The following SHANK2 variants were observed in gnomAD, a reference collection of about 807,000 sequenced individuals.
SHANK2 encodes the protein SH3 and multiple ankyrin repeat domains protein 2.
Under a neutral mutation model 133.7 loss-of-function variants are expected in SHANK2, and 43 were observed. The ratio of observed to expected loss-of-function variants is 0.32; its 90% CI spans 0.25 to 0.41. The LOEUF is 0.41. SHANK2 is among the 10% of genes least tolerant of loss of function. SHANK2 has a pLI of 1.00. For synonymous variants in SHANK2, 1,017 were observed against 952.8 expected (o/e 1.07, Z -1.24); for missense variants, 1,994 against 2,235.8 (o/e 0.89, Z 2.18).
rs1363626039 is a variant in SHANK2, at chr11:70,823,992, G to C, written c.1175-3310C>G. 5.4e-5 allele frequency among the ~76,000 whole-genome samples: 8 copies of C among 149,136 alleles called. No individual in the cohort carries two copies. In the Admixed American group the frequency reaches 5.4e-4, roughly 10 times the overall value. ...AGCTCCCAAGGACAGAGGTGGTGCT[G>C]GCAGCGCTCACAAGGGACACATGTG... On this transcript the variant is annotated intron_variant, in intron 11 of 25. Transcript: ENST00000601538.
intron 17 of SHANK2, among the ~76,000 whole-genome samples, chr11:70,548,457 C>A (rs1161368983): frequency 1.3e-5 from 2 of 152,206 alleles, no homozygotes; most frequent in African/African-American, 4.8e-5. Context: ...GCCCGTCTCC[C>A]GCTGGGCTCC....
At chr11:70,842,909 C>G (rs1410553939) in intron 11 of SHANK2, among the ~76,000 whole-genome samples, 2 of 152,212 alleles carry the variant, frequency 1.3e-5, no homozygotes, top group Non-Finnish European at 2.9e-5. Flanking sequence ...TTCCACTCCA[C>G]AGGCTCAGGG....
intron 1 of SHANK2, among the ~76,000 whole-genome samples, chr11:71,237,432 G>A (rs1954838375): frequency 6.6e-6 from 1 of 152,174 alleles, no homozygotes; most frequent in Admixed American, 6.6e-5. Context: ...ACGCAAGCAC[G>A]ACATATTTAC....
At chr11:70,709,037 C>T (rs142672388) in intron 14 of SHANK2, among the ~76,000 whole-genome samples, 160 of 152,218 alleles carry the variant, frequency 1.1e-3, no homozygotes, top group Non-Finnish European at 1.9e-3. Flanking sequence ...ATGGCAAAAC[C>T]CCATCTCTAC....
At chr11:71,074,315 T>C (rs959499636) in intron 9 of SHANK2, among the ~76,000 whole-genome samples, 1 of 152,136 alleles carries the variant, frequency 6.6e-6, no homozygotes, top group Non-Finnish European at 1.5e-5. Context: ...AGACTCTTAA[T>C]GATGGTTTTG....
At chr11:71,149,830 GGGAGGGAAGGAGAAA>G (rs1555107518) in intron 2 of SHANK2, among the ~76,000 whole-genome samples, 1 of 130,826 alleles carries the variant, frequency 7.6e-6, no homozygotes, top group African/African-American at 3.0e-5. Context: ...GAGGAAAGAA[GGGAGGGAAGGAGAAA>G]GGAGGGAGGG....
intron 17 of SHANK2, among the ~76,000 whole-genome samples, chr11:70,610,459 G>A (rs1288635990): frequency 6.6e-6 from 1 of 152,128 alleles, no homozygotes; most frequent in Non-Finnish European, 1.5e-5. Flanking sequence ...CACATGACAC[G>A]CCTGTGCCCC....
rs536903105 is a variant in SHANK2 at position 70,529,552 on chromosome 11, C to T, written c.2062-26621G>A. On this transcript the variant is annotated intron_variant, in intron 17 of 25. Coordinates refer to ENST00000601538, the MANE Select transcript of SHANK2 (RefSeq NM_012309.5). Reference sequence around the variant, plus strand: ...AGGGATTCCAAGATCTATACACCTTCGCATTGTGGTAAAATACACGTGGCC... The same window carrying T: ...AGGGATTCCAAGATCTATACACCTTTGCATTGTGGTAAAATACACGTGGCC... Among the ~76,000 whole-genome samples the T allele has an allele frequency of 4.6e-5, 7 of 152,352 alleles. No homozygotes were observed. In the East Asian group the frequency reaches 9.6e-4, roughly 21 times the overall value.
rs1005377897 is a variant in SHANK2, at chr11:71,084,411, C to T, written c.912+8011G>A. Among the ~76,000 whole-genome samples, 3 of 152,156 alleles carry T rather than the reference C, an allele frequency of 2.0e-5. 1 individual carries two copies. The highest frequency in any genetic ancestry group is 6.3e-3 in the Middle Eastern group (2 of 316). On this transcript the variant is annotated intron_variant, in intron 8 of 25. Coordinates refer to ENST00000601538, the MANE Select transcript of SHANK2 (RefSeq NM_012309.5). ...AAATGTGTCCTTAGGCCATGTGCAC[C>T]TGGCCTGAGACAATGATGGGAAAGC...
At chr11:70,562,685 G>A (rs184916794) in intron 17 of SHANK2, among the ~76,000 whole-genome samples, 44 of 152,228 alleles carry the variant, frequency 2.9e-4, no homozygotes, top group African/African-American at 1.1e-3. Context: ...CCTTGGAGGT[G>A]AGCATTTATT....
At chr11:70,501,814 G>C in intron 20 of SHANK2, 109 bp downstream of exon 20, 2 of 1,148,932 alleles carry the variant, frequency 1.7e-6, no homozygotes, top group South Asian at 2.7e-5. Flanking sequence ...TCTGAGCCAC[G>C]TGGGGAGCAG....
intron 11 of SHANK2, among the ~76,000 whole-genome samples, chr11:70,872,848 T>C (rs1183470988): frequency 1.3e-5 from 2 of 152,082 alleles, no homozygotes; most frequent in African/African-American, 4.8e-5. Flanking sequence ...CAGTGGAACA[T>C]GGCATTGATT....
At chr11:70,934,138 G>A (rs1950538783) in intron 10 of SHANK2, among the ~76,000 whole-genome samples, 1 of 151,536 alleles carries the variant, frequency 6.6e-6, no homozygotes, top group Admixed American at 6.6e-5. Flanking sequence ...AGGCAGAGGC[G>A]GGAGGATCAC....
intron 17 of SHANK2, among the ~76,000 whole-genome samples, chr11:70,540,667 A>T (rs182330785): frequency 7.2e-5 from 11 of 152,218 alleles, no homozygotes; most frequent in African/African-American, 2.6e-4. Flanking sequence ...TCCATATAAC[A>T]TAAAACTTCC....
chr11:70,908,993 C>T (rs782226137), intron 10 of SHANK2, among the ~76,000 whole-genome samples: 6 of 152,102 alleles, frequency 3.9e-5, no homozygotes, highest in African/African-American at 1.2e-4. Context: ...CTGTGAAATA[C>T]GTATGGCAGT....
intron 15 of SHANK2, among the ~76,000 whole-genome samples, chr11:70,670,689 T>G (rs1460448146): frequency 6.6e-6 from 1 of 152,230 alleles, no homozygotes; most frequent in Non-Finnish European, 1.5e-5. Flanking sequence ...TTGCCCTTCC[T>G]GCATAACTCA....
intron 17 of SHANK2, among the ~76,000 whole-genome samples, chr11:70,513,503 TATA>T (rs1473933820): frequency 9.2e-5 from 14 of 152,346 alleles, no homozygotes; most frequent in African/African-American, 3.4e-4. Context: ...AGGAATGTAA[TATA>T]ATCCAGAGTT....
At chr11:70,905,461 A>G (rs186938966) in intron 10 of SHANK2, among the ~76,000 whole-genome samples, 1 of 152,284 alleles carries the variant, frequency 6.6e-6, no homozygotes, top group East Asian at 1.9e-4. Flanking sequence ...CCCTGAGCCC[A>G]GTGGCCGTGC....
chr11:70,945,665 A>G lies in SHANK2; in HGVS notation c.1108-49098T>C, dbSNP rs576670305. ...GGCCCCAGCCTGAGTGCATCAGGGCATGTGGGCAGGGTTGACCTCAGGTGG... is the reference window on the plus strand; with the variant it reads ...GGCCCCAGCCTGAGTGCATCAGGGCGTGTGGGCAGGGTTGACCTCAGGTGG... On this transcript the variant is annotated intron_variant, in intron 10 of 25. Transcript: ENST00000601538. Among the ~76,000 whole-genome samples the G allele has an allele frequency of 2.0e-3, 312 of 152,296 alleles. 1 individual carries two copies. Among genetic ancestry groups the G allele is most frequent in the Non-Finnish European group, 3.1e-3 (209 of 68,022 alleles).
Sources: allele counts gnomAD v4.1 joint callset (sites outside exome capture counted in the v4.1 genomes callset), GRCh38; gene constraint gnomAD v4.1.1; transcripts MANE v1.5; gene names NCBI Gene and HGNC (gene_info 2026-07-23, HGNC 2026-07-21).